The following PTPRQ variants were observed in gnomAD, a reference collection of about 807,000 sequenced individuals.
PTPRQ encodes phosphatidylinositol phosphatase PTPRQ.
PTPRQ carries 199 observed loss-of-function variants against 246.0 expected under a neutral mutation model. The ratio of observed to expected loss-of-function variants is 0.81; its 90% CI spans 0.72 to 0.91. The LOEUF is 0.91. PTPRQ is among the 40% of genes least tolerant of loss of function. The pLI is 0.00. For synonymous variants in PTPRQ, 869 were observed against 853.2 expected, an observed-to-expected ratio of 1.02 and a Z score of -0.32; for missense variants, 2,624 against 2,528.4, an observed-to-expected ratio of 1.04 and a Z score of -0.81.
chr12:80,634,416 T>G (rs1200808551), intron 34 of PTPRQ, among the ~76,000 whole-genome samples: 1 of 152,176 alleles, frequency 6.6e-6, no homozygotes, highest in Admixed American at 6.5e-5. Context: ...GTTTTCTGAT[T>G]GTAAAGATAA....
Position 80,573,395 on chromosome 12 carries a change from A to G in PTPRQ, c.4286-14734A>G, listed in dbSNP as rs531936499. ...TCCCAGCTACTCGGGAGGCTGAGGC[A>G]GGAGAATGGCGTGAACCCGGGAGGT... is the stretch of plus-strand genomic sequence containing the variant. On this transcript the variant is annotated intron_variant, in intron 25 of 44. Coordinates refer to ENST00000644991, the MANE Select transcript of PTPRQ (RefSeq NM_001145026.2). Among the ~76,000 whole-genome samples the G allele has an allele frequency of 7.3e-3, 1,116 of 152,194 alleles. 13 individuals carry two copies. Among genetic ancestry groups the G allele is most frequent in the Middle Eastern group, 0.034 (10 of 294 alleles).
At position 80,542,815 on chromosome 12, in the gene PTPRQ, A is replaced by C. The variant is rs576463576; in HGVS notation, c.3807A>C (p.Pro1269=). 1.1e-4 allele frequency: 174 copies of C among 1,548,624 alleles called. No individual in the cohort carries two copies. Among genetic ancestry groups the C allele is most frequent in the Non-Finnish European group, 1.4e-4 (162 of 1,145,624 alleles). The change falls in exon 23 of 45, where the codon CCA becomes CCC. Residue 1269 remains proline, a synonymous_variant. Coordinates refer to ENST00000644991, the MANE Select transcript of PTPRQ (RefSeq NM_001145026.2). ...VWLKWSPSPL[P]GGIVKVYSFK... ...TGAAATGGAGCCCAAGTCCTCTTCC[A>C]GGTGGTATTGTTAAAGTATATAGTT...
chr12:80,495,895 C>T (rs1894603031), intron 12 of PTPRQ, 104 bp from the exon 13 acceptor site: 2 of 1,319,330 alleles, frequency 1.5e-6, no homozygotes, highest in Non-Finnish European at 2.0e-6. Flanking sequence ...ATATAGATAT[C>T]TAGTCCCCCG....
Position 80,652,724 on chromosome 12 carries a change from G to A in PTPRQ, c.6025-20G>A. The A allele has an allele frequency of 2.7e-6, 4 of 1,485,566 alleles. No individual in the cohort carries two copies. Among genetic ancestry groups the A allele is most frequent in the East Asian group, 2.7e-5 (1 of 37,044 alleles). The allele number at this position is 1,485,566 out of a possible 1,614,324, so 92.0% of individuals were successfully genotyped here. ...TTTACCTCTGATAAATGTAAACTTTGTAATGACTTTATTTTACAGGAATTA... is the reference window on the plus strand; with the variant it reads ...TTTACCTCTGATAAATGTAAACTTTATAATGACTTTATTTTACAGGAATTA... On this transcript the variant is annotated intron_variant, in intron 37 of 44. Coordinates refer to ENST00000644991, the MANE Select transcript of PTPRQ (RefSeq NM_001145026.2).
At chr12:80,515,106 T>C (rs1895251428) in intron 17 of PTPRQ, among the ~76,000 whole-genome samples, 1 of 152,050 alleles carries the variant, frequency 6.6e-6, no homozygotes, top group South Asian at 2.1e-4. Context: ...GCGAAGGAAA[T>C]GGTCATAATT....
intron 8 of PTPRQ, among the ~76,000 whole-genome samples, chr12:80,480,047 CACCCCAAATCA>C: frequency 6.6e-6 from 1 of 151,722 alleles, no homozygotes; most frequent in East Asian, 1.9e-4. Flanking sequence ...CAGAACTCTC[CACCCCAAATCA>C]AGAGAATATA....
At position 80,534,002 on chromosome 12, in the gene PTPRQ, C is replaced by A. The variant is rs1895915584; in HGVS notation, c.2679-13C>A. The A allele has an allele frequency of 4.1e-6, 6 of 1,450,206 alleles. No individual in the cohort carries two copies. The African/African-American group carries it at 4.4e-5, about 11-fold the overall frequency. The allele number at this position is 1,450,206 out of a possible 1,614,324, so 89.8% of individuals were successfully genotyped here. A position where few individuals can be genotyped will look rare whatever the true frequency, so the allele number is the denominator to read the frequency against. On this transcript the variant is annotated splice_polypyrimidine_tract_variant and intron_variant, in intron 17 of 44. Transcript: ENST00000644991. ...AAAATTCAATTCTACAGATAATATT[C>A]TTTTTATCTCAGGAATAGATCATCA...
chr12:80,665,024 A>G (rs1304021312), intron 39 of PTPRQ, among the ~76,000 whole-genome samples: 1 of 151,982 alleles, frequency 6.6e-6, no homozygotes, highest in Non-Finnish European at 1.5e-5. Flanking sequence ...GACTCACACA[A>G]TCACAAGGTG....
intron 26 of PTPRQ, among the ~76,000 whole-genome samples, chr12:80,602,957 T>C (rs932790237): frequency 9.2e-5 from 14 of 151,724 alleles, no homozygotes; most frequent in African/African-American, 3.1e-4. Flanking sequence ...CAGATAGGCC[T>C]CTCAGACTTC....
At chr12:80,470,456 T>C (rs1235161732) in intron 7 of PTPRQ, among the ~76,000 whole-genome samples, 1 of 152,186 alleles carries the variant, frequency 6.6e-6, no homozygotes, top group Non-Finnish European at 1.5e-5. Context: ...ATTAGAGGTC[T>C]GAGCAGAGAA....
chr12:80,558,776 T>G (rs890601283), intron 25 of PTPRQ, among the ~76,000 whole-genome samples: 2 of 152,160 alleles, frequency 1.3e-5, no homozygotes, highest in African/African-American at 4.8e-5. Context: ...GGTTCACACA[T>G]AGGTGTATAA....
At chr12:80,535,107 C>T (rs1895947536) in intron 19 of PTPRQ, 70 bp downstream of exon 19, 8 of 1,374,832 alleles carry the variant, frequency 5.8e-6, no homozygotes, top group Non-Finnish European at 7.7e-6. Context: ...AGACTTGTCA[C>T]AGTAAAAGAA....
chr12:80,616,421 A>G (rs1232575443), intron 30 of PTPRQ, among the ~76,000 whole-genome samples, 155 bp downstream of exon 30: 1 of 151,016 alleles, frequency 6.6e-6, no homozygotes, highest in Admixed American at 6.6e-5. Flanking sequence ...TTAAAGCTAT[A>G]GTTAAAAACG....
chr12:80,664,889 A>G (rs1900737951), intron 39 of PTPRQ, among the ~76,000 whole-genome samples: 1 of 152,040 alleles, frequency 6.6e-6, no homozygotes, highest in African/African-American at 2.4e-5. Flanking sequence ...TTTAGAGCTC[A>G]GTACTTGAAT....
At chr12:80,579,932 T>A (rs549341208) in intron 25 of PTPRQ, among the ~76,000 whole-genome samples, 1 of 152,252 alleles carries the variant, frequency 6.6e-6, no homozygotes, top group South Asian at 2.1e-4. Flanking sequence ...CTGTTTTGCT[T>A]AAAAGAGAGT....
At position 80,534,879 on chromosome 12, in the gene PTPRQ, A is replaced by G; in HGVS notation, c.2840-13A>G. ...CACAAATACAGTAATTTGTTCAATT[A>G]TTTGTTTTATAGCACCAAGCGATCC... is the stretch of plus-strand genomic sequence containing the variant. On this transcript the variant is annotated splice_polypyrimidine_tract_variant and intron_variant, in intron 18 of 44. Coordinates refer to ENST00000644991, the MANE Select transcript of PTPRQ (RefSeq NM_001145026.2). The G allele has an allele frequency of 6.5e-7, 1 of 1,543,646 alleles. No homozygotes were observed.
Position 80,496,247 on chromosome 12 carries a change from T to A in PTPRQ, c.1991-3T>A. ...TACTACAAATGTTCTTTTCTTCCCC[T>A]AGAACCGGAATCATCACCTCAAGAT... On this transcript the variant is annotated splice_region_variant and splice_polypyrimidine_tract_variant and intron_variant, in intron 13 of 44. Transcript: ENST00000644991. The A allele has an allele frequency of 1.3e-6, 2 of 1,549,600 alleles. No homozygotes were observed. The highest frequency in any genetic ancestry group is 1.7e-6 in the Non-Finnish European group (2 of 1,146,218).
intron 25 of PTPRQ, among the ~76,000 whole-genome samples, chr12:80,551,368 C>T (rs887796145): frequency 3.9e-5 from 6 of 152,144 alleles, no homozygotes; most frequent in Admixed American, 6.5e-5. Flanking sequence ...TTTGCCCCTT[C>T]TCCACCTTGG....
At chr12:80,634,748 A>G (rs1592742075) in intron 34 of PTPRQ, 197 bp from the exon 35 acceptor site, 1 of 729,696 alleles carries the variant, frequency 1.4e-6, no homozygotes, top group South Asian at 2.6e-5. Flanking sequence ...ATTAGAAAAA[A>G]AAGAAAGTAG....
Sources: allele counts gnomAD v4.1 joint callset (sites outside exome capture counted in the v4.1 genomes callset), GRCh38; gene constraint gnomAD v4.1.1; transcripts MANE v1.5; gene names NCBI Gene and HGNC (gene_info 2026-07-23, HGNC 2026-07-21).